The following DDX10 variants were observed in gnomAD, a reference collection of about 807,000 sequenced individuals.
DDX10 encodes probable ATP-dependent RNA helicase DDX10.
Under a neutral mutation model 104.3 loss-of-function variants are expected in DDX10, and 74 were observed. That is an observed-to-expected ratio of 0.71 (90% CI 0.59 to 0.86). DDX10 has a LOEUF of 0.86. DDX10 is among the 40% of genes least tolerant of loss of function. DDX10 has a pLI of 0.00. For synonymous variants in DDX10, 351 were observed against 353.4 expected (o/e 0.99, Z 0.08); for missense variants, 952 against 1,040.0 (o/e 0.92, Z 1.16).
chr11:108,714,528 CT>C (rs11355789), intron 10 of DDX10, among the ~76,000 whole-genome samples: 113,217 of 142,144 alleles, frequency 0.8, 44,114 homozygotes, highest in African/African-American at 0.85. Context: ...AAGTCTGACT[CT>C]TTTTTTTTTT....
At position 108,864,751 on chromosome 11, in the gene DDX10, T is replaced by C. The variant is rs866949575; in HGVS notation, c.2304+12542T>C. ...CTGGGATTACAGGTGTGAGCCACCG[T>C]GCCTGGCAACTTTTATACTTCTTAC... On this transcript the variant is annotated intron_variant, in intron 16 of 17. Transcript: ENST00000322536. Among the ~76,000 whole-genome samples, 3 of 152,210 alleles carry C rather than the reference T, an allele frequency of 2.0e-5. No individual in the cohort carries two copies. The South Asian group carries it at 6.2e-4, about 32-fold the overall frequency.
intron 9 of DDX10, 92 bp downstream of exon 9, chr11:108,693,692 G>T (rs896134811): frequency 1.1e-5 from 11 of 999,644 alleles, no homozygotes; most frequent in African/African-American, 4.8e-5. Flanking sequence ...AAGGAATCAG[G>T]TAAGTGAGTG....
chr11:108,732,952 G>A (rs1397206903), intron 13 of DDX10, among the ~76,000 whole-genome samples: 1 of 152,116 alleles, frequency 6.6e-6, no homozygotes, highest in Non-Finnish European at 1.5e-5. Context: ...TTAGAAATGA[G>A]ACTGGGTAGA....
In DDX10 at chr11:108,803,219, C is replaced by CAG. The variant is rs575135636; in HGVS notation, c.1966-35227_1966-35226insAG. Among the ~76,000 whole-genome samples, 12 of 151,596 alleles carry CAG rather than the reference C, an allele frequency of 7.9e-5. No individual in the cohort carries two copies. In the South Asian group the frequency reaches 2.5e-3, roughly 32 times the overall value. On this transcript the variant is annotated intron_variant, in intron 13 of 17. Coordinates refer to ENST00000322536, the MANE Select transcript of DDX10 (RefSeq NM_004398.4). ...CAAGCTCTCTGCTACCTTTCTTACTCGGTCATTTCCACCCAGGTGAATAAT... is the reference window on the plus strand; with the variant it reads ...CAAGCTCTCTGCTACCTTTCTTACTCAGGGTCATTTCCACCCAGGTGAATAAT...
chr11:108,842,236 A>G (rs945936234), intron 15 of DDX10, among the ~76,000 whole-genome samples: 1 of 152,236 alleles, frequency 6.6e-6, no homozygotes, highest in Non-Finnish European at 1.5e-5. Flanking sequence ...ACATTTCACT[A>G]GATAAAAAAA....
intron 13 of DDX10, among the ~76,000 whole-genome samples, chr11:108,749,325 TA>T (rs936502226): frequency 1.3e-5 from 2 of 152,108 alleles, no homozygotes; most frequent in South Asian, 2.1e-4. Context: ...TTCTCCCAAA[TA>T]GATGTTTATA....
intron 13 of DDX10, among the ~76,000 whole-genome samples, chr11:108,739,563 AGCTGGCTGTT>A (rs1178970987): frequency 6.6e-6 from 1 of 152,244 alleles, no homozygotes; most frequent in African/African-American, 2.4e-5. Context: ...CATTCTTAAT[AGCTGGCTGTT>A]GAGTGTAATG....
intron 13 of DDX10, among the ~76,000 whole-genome samples, chr11:108,820,634 C>T (rs1862313891): frequency 1.3e-5 from 2 of 152,190 alleles, no homozygotes; most frequent in Admixed American, 1.3e-4. Context: ...CACGTGGAGA[C>T]TTTGAGGTTC....
At chr11:108,756,203 A>C (rs1343003390) in intron 13 of DDX10, among the ~76,000 whole-genome samples, 3 of 151,948 alleles carry the variant, frequency 2.0e-5, no homozygotes, top group Non-Finnish European at 2.9e-5. Context: ...GTGTTGGTAA[A>C]TTTGTATTTA....
chr11:108,667,448 T>G (rs1027101059), intron 1 of DDX10, among the ~76,000 whole-genome samples: 1 of 152,206 alleles, frequency 6.6e-6, no homozygotes, highest in Non-Finnish European at 1.5e-5. Context: ...GTCAACATGT[T>G]CTAGTCTGCT....
intron 17 of DDX10, among the ~76,000 whole-genome samples, chr11:108,933,465 T>C (rs959495527): frequency 4.6e-5 from 7 of 152,192 alleles, no homozygotes; most frequent in Admixed American, 3.3e-4. Flanking sequence ...GGTTTTGATG[T>C]GATCACACAT....
Position 108,927,638 on chromosome 11 carries a change from T to C in DDX10, c.2450+9620T>C, listed in dbSNP as rs568166767. Among the ~76,000 whole-genome samples, 41 of 151,628 alleles carry C rather than the reference T, an allele frequency of 2.7e-4. No homozygotes were observed. The East Asian group carries it at 3.5e-3, about 13-fold the overall frequency. On this transcript the variant is annotated intron_variant, in intron 17 of 17. Transcript: ENST00000322536. ...CCATATCAGACAGCACTTGGAACTT[T>C]TTTTTTTTTTTCTTTTTCTGATGGA...
At chr11:108,829,997 A>G (rs12279766) in intron 13 of DDX10, among the ~76,000 whole-genome samples, 3,528 of 152,228 alleles carry the variant, frequency 0.023, 128 homozygotes, top group African/African-American at 0.08. Flanking sequence ...GGATAATGTG[A>G]TGCCTCCAGA....
At chr11:108,893,448 G>A (rs1863401678) in intron 16 of DDX10, among the ~76,000 whole-genome samples, 1 of 151,796 alleles carries the variant, frequency 6.6e-6, no homozygotes, top group Admixed American at 6.6e-5. Context: ...ATTCATTCAT[G>A]TTTTCATTCA....
At chr11:108,844,554 T>G (rs1862687754) in intron 15 of DDX10, among the ~76,000 whole-genome samples, 1 of 152,186 alleles carries the variant, frequency 6.6e-6, no homozygotes, top group Admixed American at 6.5e-5. Context: ...CATCTTCACA[T>G]GTGGGAAAGT....
intron 9 of DDX10, among the ~76,000 whole-genome samples, chr11:108,694,812 C>T (rs1445135416): frequency 7.9e-5 from 12 of 152,068 alleles, no homozygotes; most frequent in Non-Finnish European, 1.3e-4. Flanking sequence ...ACCCGGGAGG[C>T]GGAGGTTGCA....
intron 3 of DDX10, 167 bp downstream of exon 3, chr11:108,675,893 T>G: frequency 1.3e-6 from 1 of 793,112 alleles, no homozygotes; most frequent in Non-Finnish European, 2.0e-6. Flanking sequence ...GTTCTCACCA[T>G]TTTCCCCAGG....
chr11:108,713,453 A>G (rs755975463), intron 10 of DDX10, among the ~76,000 whole-genome samples: 6 of 152,142 alleles, frequency 3.9e-5, no homozygotes, highest in Non-Finnish European at 8.8e-5. Context: ...TGAACCCATC[A>G]AAGGTATTAG....
At chr11:108,679,710 C>G in intron 6 of DDX10, 150 bp downstream of exon 6, 1 of 540,032 alleles carries the variant, frequency 1.9e-6, no homozygotes, top group Non-Finnish European at 3.0e-6. Context: ...TAAAATTACC[C>G]AAATTCTGCA....
Sources: gnomAD v4.1 joint callset for allele counts (sites outside exome capture counted in the v4.1 genomes callset) on GRCh38, gnomAD v4.1.1 for gene constraint, MANE v1.5 for transcripts, NCBI Gene and HGNC (gene_info 2026-07-23, HGNC 2026-07-21) for gene names.